Variants in NKAIN2 observed in about 807,000 individuals in gnomAD.
NKAIN2 encodes sodium/potassium transporting ATPase interacting 2.
NKAIN2 carries 14 observed loss-of-function variants against 32.6 expected under a neutral mutation model. The observed-to-expected ratio is 0.43, with a 90% CI of 0.28 to 0.67. The LOEUF (loss-of-function observed/expected upper bound fraction) is 0.67, where lower values mean the gene tolerates loss of function less well. Ranked by LOEUF, NKAIN2 falls within the 30% of genes least tolerant of loss-of-function variation. NKAIN2 has a pLI of 0.17. For synonymous variants in NKAIN2, 80 were observed against 87.2 expected (o/e 0.92, Z 0.46); for missense variants, 198 against 258.3 (o/e 0.77, Z 1.60).
intron 3 of NKAIN2, among the ~76,000 whole-genome samples, chr6:124,624,939 T>A (rs2114272964): frequency 6.6e-6 from 1 of 152,296 alleles, no homozygotes; most frequent in East Asian, 1.9e-4. Context: ...TTTTTCTTGC[T>A]AAATTTATCC....
At chr6:123,807,575 C>T (rs753932854) in intron 1 of NKAIN2, among the ~76,000 whole-genome samples, 1 of 151,946 alleles carries the variant, frequency 6.6e-6, no homozygotes, top group African/African-American at 2.4e-5. Context: ...GGCATGTTTT[C>T]CCCAATGTTT....
intron 1 of NKAIN2, among the ~76,000 whole-genome samples, chr6:124,121,676 A>G (rs1356855286): frequency 1.3e-5 from 2 of 152,132 alleles, no homozygotes; most frequent in South Asian, 2.1e-4. Context: ...AAAGAAAAAG[A>G]TAAGTTTTTC....
At position 124,377,235 on chromosome 6, in the gene NKAIN2, T is replaced by C. The variant is rs576929206; in HGVS notation, c.273+21888T>C. Among the ~76,000 whole-genome samples, 14 of 152,348 alleles carry C rather than the reference T, an allele frequency of 9.2e-5. No individual in the cohort carries two copies. The South Asian group carries it at 2.5e-3, about 27-fold the overall frequency. ...ATCTCACCATTTACCATTATTCTCT[T>C]ATTTCAATCTACTATTTCTTTCTTC... On this transcript the variant is annotated intron_variant, in intron 3 of 6. Coordinates refer to ENST00000368417, the MANE Select transcript of NKAIN2 (RefSeq NM_001040214.3).
At chr6:124,694,696 G>A (rs1029170312) in intron 4 of NKAIN2, among the ~76,000 whole-genome samples, 5 of 152,144 alleles carry the variant, frequency 3.3e-5, no homozygotes, top group Non-Finnish European at 7.3e-5. Flanking sequence ...CACATTCAAT[G>A]CCATATGGTT....
intron 1 of NKAIN2, among the ~76,000 whole-genome samples, chr6:124,176,206 G>A (rs1227629399): frequency 2.0e-5 from 3 of 152,166 alleles, no homozygotes; most frequent in African/African-American, 7.2e-5. Context: ...TGCTGACAGA[G>A]ACACAAAGTG....
intron 4 of NKAIN2, among the ~76,000 whole-genome samples, chr6:124,687,153 A>G (rs771189267): frequency 1.5e-4 from 22 of 142,404 alleles, no homozygotes; most frequent in Non-Finnish European, 3.2e-4. Flanking sequence ...TATATATGGA[A>G]TATAAATATT....
chr6:123,815,864 A>C (rs1007420850), intron 1 of NKAIN2, among the ~76,000 whole-genome samples: 1 of 152,116 alleles, frequency 6.6e-6, no homozygotes, highest in African/African-American at 2.4e-5. Flanking sequence ...TTGAGAACCC[A>C]GGAGTAGAGT....
intron 3 of NKAIN2, among the ~76,000 whole-genome samples, chr6:124,406,166 A>G (rs551080877): frequency 1.3e-5 from 2 of 152,178 alleles, no homozygotes; most frequent in Non-Finnish European, 2.9e-5. Context: ...ACCAAAATCA[A>G]GATAAATATA....
chr6:124,245,303 C>G (rs902375133), intron 1 of NKAIN2, among the ~76,000 whole-genome samples: 1 of 152,044 alleles, frequency 6.6e-6, no homozygotes, highest in Admixed American at 6.6e-5. Context: ...TCAAAAGATA[C>G]TCAGCAGCTT....
At chr6:124,111,101 A>G (rs1785365448) in intron 1 of NKAIN2, among the ~76,000 whole-genome samples, 1 of 152,022 alleles carries the variant, frequency 6.6e-6, no homozygotes, top group Admixed American at 6.6e-5. Context: ...TTAGGGTATA[A>G]TTTTTCATAC....
At chr6:124,012,677 G>A (rs1440354726) in intron 1 of NKAIN2, among the ~76,000 whole-genome samples, 3 of 151,994 alleles carry the variant, frequency 2.0e-5, no homozygotes, top group African/African-American at 4.8e-5. Context: ...GCTTTTTCTC[G>A]ATGAGTTGTA....
rs553031980 is a variant in NKAIN2 at position 124,185,248 on chromosome 6, TATTC to T, written c.55-97753_55-97750del. Among the ~76,000 whole-genome samples, 856 of 152,250 alleles carry T rather than the reference TATTC, an allele frequency of 5.6e-3. 12 individuals are homozygous for T. Among genetic ancestry groups the T allele is most frequent in the African/African-American group, 0.017 (723 of 41,556 alleles). ...GTACAGTAGTTTTGTGCAAGTAACTTATTCATTTCATTATAACTGTATTAAAAAC... is the reference window on the plus strand; with the variant it reads ...GTACAGTAGTTTTGTGCAAGTAACTTATTTCATTATAACTGTATTAAAAAC... On this transcript the variant is annotated intron_variant, in intron 1 of 6. Transcript: ENST00000368417.
At chr6:124,429,842 T>G (rs777752185) in intron 3 of NKAIN2, among the ~76,000 whole-genome samples, 1 of 152,100 alleles carries the variant, frequency 6.6e-6, no homozygotes, top group Non-Finnish European at 1.5e-5. Flanking sequence ...CCTGAATTGC[T>G]GGGGAGTCTG....
chr6:124,652,227 G>A (rs781482), intron 3 of NKAIN2, among the ~76,000 whole-genome samples: 78,892 of 151,966 alleles, frequency 0.52, 21,224 homozygotes, highest in Middle Eastern at 0.61. Context: ...CTTTACTCCA[G>A]TTTCCAAAAA....
intron 3 of NKAIN2, among the ~76,000 whole-genome samples, chr6:124,533,124 T>C (rs519808): frequency 0.97 from 148,047 of 152,096 alleles, 72,169 homozygotes; most frequent in East Asian, 1. Flanking sequence ...GAAACTGATC[T>C]ACTATTTTTT....
At chr6:124,456,315 A>G (rs1000248725) in intron 3 of NKAIN2, among the ~76,000 whole-genome samples, 1 of 132,660 alleles carries the variant, frequency 7.5e-6, no homozygotes, top group Non-Finnish European at 1.5e-5. Context: ...TTCCACAATA[A>G]AAAAAAAACG....
intron 3 of NKAIN2, among the ~76,000 whole-genome samples, chr6:124,505,249 T>C (rs1778430805): frequency 6.6e-6 from 1 of 152,226 alleles, no homozygotes; most frequent in South Asian, 2.1e-4. Flanking sequence ...CTATGTTTTA[T>C]ATTCAGTGAG....
chr6:123,944,334 A>G (rs1469537903), intron 1 of NKAIN2, among the ~76,000 whole-genome samples: 1 of 152,006 alleles, frequency 6.6e-6, no homozygotes, highest in East Asian at 1.9e-4. Context: ...TCCCACTTTA[A>G]CCCCTAATCA....
chr6:123,913,673 A>G (rs1312824855), intron 1 of NKAIN2, among the ~76,000 whole-genome samples: 1 of 152,138 alleles, frequency 6.6e-6, no homozygotes, highest in African/African-American at 2.4e-5. Context: ...TTCTTTCTTT[A>G]TACAAATATT....
Sources: allele counts gnomAD v4.1 joint callset (sites outside exome capture counted in the v4.1 genomes callset), GRCh38; gene constraint gnomAD v4.1.1; transcripts MANE v1.5; gene names NCBI Gene and HGNC (gene_info 2026-07-23, HGNC 2026-07-21).